The following NPLOC4 variants were observed in gnomAD, a reference collection of about 807,000 sequenced individuals.
NPLOC4 encodes the protein NPL4 homolog, ubiquitin recognition factor.
In NPLOC4, 18 loss-of-function variants were observed where a neutral mutation model predicts 80.6. The observed-to-expected ratio is 0.22, with a 90% CI of 0.15 to 0.33. The LOEUF (loss-of-function observed/expected upper bound fraction) is 0.33. Among genes scored for constraint, NPLOC4 ranks in the 10% least tolerant of loss-of-function variants. The pLI is 1.00. For synonymous variants in NPLOC4, 313 were observed against 301.5 expected (o/e 1.04, Z -0.39); for missense variants, 540 against 786.1 (o/e 0.69, Z 3.74).
intron 14 of NPLOC4, 129 bp downstream of exon 14, chr17:81,568,887 C>T: frequency 1.5e-6 from 1 of 669,364 alleles, no homozygotes; most frequent in Non-Finnish European, 2.6e-6. Context: ...CACAGTAGGC[C>T]CTAGCTGGCC....
intron 3 of NPLOC4, among the ~76,000 whole-genome samples, chr17:81,619,710 C>G (rs1394482495): frequency 2.6e-5 from 4 of 151,554 alleles, no homozygotes; most frequent in Non-Finnish European, 4.4e-5. Flanking sequence ...GAAACCCTGT[C>G]TCTACTAAAA....
intron 11 of NPLOC4, among the ~76,000 whole-genome samples, chr17:81,594,346 A>C (rs1008712936): frequency 2.0e-5 from 3 of 151,096 alleles, no homozygotes; most frequent in Non-Finnish European, 3.0e-5. Context: ...AACATGTATT[A>C]ATTATTAACA....
chr17:81,635,835 C>T (rs1177827140), intron 1 of NPLOC4, among the ~76,000 whole-genome samples: 3 of 152,168 alleles, frequency 2.0e-5, no homozygotes, highest in Non-Finnish European at 2.9e-5. Context: ...TAATATTAAC[C>T]AAAATGCTCC....
chr17:81,604,467 C>T, intron 8 of NPLOC4, 81 bp downstream of exon 8: 1 of 1,293,674 alleles, frequency 7.7e-7, no homozygotes, highest in Non-Finnish European at 1.1e-6. Context: ...ACAAAGCGAA[C>T]AGGGCAAGGC....
chr17:81,623,555 T>G (rs1233798207), intron 2 of NPLOC4, among the ~76,000 whole-genome samples: 1 of 150,788 alleles, frequency 6.6e-6, no homozygotes, highest in African/African-American at 2.4e-5. Flanking sequence ...TCCCAGCATT[T>G]TGGGAGGCCG....
At chr17:81,595,985 G>A (rs1305443610) in intron 11 of NPLOC4, 131 bp downstream of exon 11, 8 of 871,904 alleles carry the variant, frequency 9.2e-6, no homozygotes, top group South Asian at 1.9e-5. Flanking sequence ...AAAGAAAGGA[G>A]GAATTTATAT....
intron 11 of NPLOC4, among the ~76,000 whole-genome samples, chr17:81,591,177 G>GT (rs1273766109): frequency 2.6e-5 from 4 of 152,166 alleles, no homozygotes; most frequent in African/African-American, 9.7e-5. Context: ...GTTCACGCCT[G>GT]TAATTCCAGC....
At position 81,597,148 on chromosome 17, in the gene NPLOC4, G is replaced by C. The variant is rs983898043; in HGVS notation, c.993+97C>G. On this transcript the variant is annotated intron_variant, in intron 10 of 16. Transcript: ENST00000331134. ...AATAAATAAATAATGGGGCCTGAAA[G>C]CTAGAACCAGCGGTGCAAAGAGACC... 4 of 833,616 alleles carry C rather than the reference G, an allele frequency of 4.8e-6. No individual in the cohort carries two copies. In the South Asian group the frequency reaches 5.9e-5, roughly 12 times the overall value. The allele number at this position is 833,616 out of a possible 1,614,324, so 51.6% of individuals were successfully genotyped here. A position where few individuals can be genotyped will look rare whatever the true frequency, so the allele number is the denominator to read the frequency against.
Position 81,559,348 on chromosome 17 carries a change from T to C in NPLOC4, c.1738A>G (p.Thr580Ala), listed in dbSNP as rs1165509962. ...GAVGGSTHTA[T>A]AAMWACQHCT... Reference sequence around the variant, plus strand: ...TGCTGACAGGCCCACATGGCTGCAGTGGCCGTGTGTGTGGAGCCCCCGACG... The same window carrying C: ...TGCTGACAGGCCCACATGGCTGCAGCGGCCGTGTGTGTGGAGCCCCCGACG... The change falls in exon 17 of 17, where the codon ACT becomes GCT. Residue 580 changes from threonine to alanine, a missense_variant. Transcript: ENST00000331134. The C allele has an allele frequency of 1.7e-5, 27 of 1,607,288 alleles. No homozygotes were observed. The highest frequency in any genetic ancestry group is 2.2e-5 in the East Asian group (1 of 44,678).
chr17:81,630,017 G>A (rs989266978), intron 1 of NPLOC4: 9 of 506,684 alleles, frequency 1.8e-5, no homozygotes, highest in Admixed American at 7.3e-5. Context: ...TAAGAGTACT[G>A]TCCTCTCAAC....
intron 1 of NPLOC4, among the ~76,000 whole-genome samples, chr17:81,636,679 C>A (rs933187251): frequency 2.0e-5 from 3 of 152,172 alleles, no homozygotes; most frequent in African/African-American, 7.2e-5. Flanking sequence ...TCGGCCTTTC[C>A]CTGCCCAGGG....
intron 12 of NPLOC4, among the ~76,000 whole-genome samples, chr17:81,587,876 C>T (rs900889119): frequency 3.3e-5 from 5 of 151,192 alleles, no homozygotes; most frequent in African/African-American, 2.4e-5. Flanking sequence ...GGGGTTTCAC[C>T]GTGTTAGCCA....
Position 81,613,482 on chromosome 17 carries a change from C to T in NPLOC4, c.222G>A (p.Leu74=). 6.2e-7 allele frequency: 1 copy of T among 1,613,502 alleles called. No homozygotes were observed. Among genetic ancestry groups the T allele is most frequent in the South Asian group, 1.1e-5 (1 of 90,984 alleles). The change falls in exon 4 of 17, where the codon TTG becomes TTA. Residue 74 remains leucine (L), a synonymous_variant. Transcript: ENST00000331134. ...LNLLKIKHGD[L]LFLFPSSLAG... is the part of the protein sequence containing the mutation. The stretch of plus-strand genomic sequence containing the variant: ...CAAGGCTCGAGGGAAACAGGAACAA[C>T]AAATCGCCATGCCTGTTCAAATGAT...
chr17:81,562,758 G>C (rs2033887585), intron 16 of NPLOC4: 1 of 151,700 alleles, frequency 6.6e-6, no homozygotes, highest in Non-Finnish European at 1.5e-5. Context: ...GGGCAACATA[G>C]TGAGACCTCA....
At chr17:81,597,384 C>T (rs909668704) in intron 9 of NPLOC4, 68 bp from the exon 10 acceptor site, 8 of 1,247,142 alleles carry the variant, frequency 6.4e-6, no homozygotes, top group Non-Finnish European at 9.4e-6. Context: ...GGCGCAGTGA[C>T]TCACGCCTAT....
At chr17:81,593,487 A>G (rs2034805660) in intron 11 of NPLOC4, among the ~76,000 whole-genome samples, 1 of 152,026 alleles carries the variant, frequency 6.6e-6, no homozygotes. Flanking sequence ...CAGTTAGGAT[A>G]CTACTCTGCC....
At chr17:81,573,767 G>A (rs1452304817) in intron 12 of NPLOC4, among the ~76,000 whole-genome samples, 1 of 152,144 alleles carries the variant, frequency 6.6e-6, no homozygotes, top group Non-Finnish European at 1.5e-5. Flanking sequence ...ATGTTTCCAG[G>A]AGGGCAGGAG....
intron 7 of NPLOC4, among the ~76,000 whole-genome samples, chr17:81,605,259 C>A (rs1009106948): frequency 6.9e-6 from 1 of 144,650 alleles, no homozygotes; most frequent in Non-Finnish European, 1.5e-5. Context: ...CCAGCCTGGG[C>A]GACAGAGCAA....
intron 3 of NPLOC4, among the ~76,000 whole-genome samples, chr17:81,619,067 G>A (rs568812218): frequency 2.5e-4 from 38 of 152,184 alleles, no homozygotes; most frequent in Admixed American, 7.2e-4. Flanking sequence ...CAAACACTGC[G>A]GAAGGCCGCA....
Sources: allele counts gnomAD v4.1 joint callset (sites outside exome capture counted in the v4.1 genomes callset), GRCh38; gene constraint gnomAD v4.1.1; transcripts MANE v1.5; gene names NCBI Gene and HGNC (gene_info 2026-07-23, HGNC 2026-07-21).